CTSD: variants seen among roughly 807,000 people sequenced by gnomAD.
The protein encoded by CTSD is cathepsin D.
In CTSD, 28 loss-of-function variants were observed where a neutral mutation model predicts 43.6. The ratio of observed to expected loss-of-function variants is 0.64; its 90% CI spans 0.48 to 0.88. The LOEUF (loss-of-function observed/expected upper bound fraction) is 0.88, where lower values mean the gene tolerates loss of function less well. CTSD is among the 40% of genes least tolerant of loss of function. The pLI is 0.00. For missense variants in CTSD, 485 were observed against 555.2 expected (o/e 0.87, Z 1.27); for synonymous variants, 270 against 249.8 (o/e 1.08, Z -0.76).
At position 1,761,422 on chromosome 11, in the gene CTSD, C is replaced by T. The variant is rs762631372; in HGVS notation, c.115G>A (p.Val39Ile). 2 of 1,613,806 alleles carry T rather than the reference C, an allele frequency of 1.2e-6. No homozygotes were observed. Among genetic ancestry groups the T allele is most frequent in the Non-Finnish European group, 8.5e-7 (1 of 1,180,028 alleles). ...FTSIRRTMSE[V>I]GGSVEDLIAK... ...ATCAGGTCCTCCACAGAGCCCCCAA[C>T]CTCCGACATGGTCCGGCGGATGGAC... Residue 39 changes from valine (V) to isoleucine (I), a missense_variant, in exon 2 of 9, where the codon GTT becomes ATT. Physicochemically the swap from Val to Ile is conservative, Grantham distance 29. Coordinates refer to ENST00000236671, the MANE Select transcript of CTSD (RefSeq NM_001909.5).
intron 4 of CTSD, chr11:1,758,098 C>T: frequency 4.7e-6 from 1 of 210,718 alleles, no homozygotes; most frequent in Non-Finnish European, 9.8e-6. Flanking sequence ...GCGGAGGGGG[C>T]AGAAGAGGGC....
chr11:1,759,556 C>A lies in CTSD; in HGVS notation c.312G>T (p.Trp104Cys). The A allele has an allele frequency of 6.2e-7, 1 of 1,613,592 alleles. No individual in the cohort carries two copies. Among genetic ancestry groups the A allele is most frequent in the East Asian group, 2.2e-5 (1 of 44,888 alleles). The change falls in exon 3 of 9, where the codon TGG becomes TGT. Residue 104 changes from tryptophan (W) to cysteine (C), a missense_variant. By Grantham distance (215) the Trp-to-Cys change is radical (BLOSUM62 -2). Coordinates refer to ENST00000236671, the MANE Select transcript of CTSD (RefSeq NM_001909.5). ...VVFDTGSSNL[W>C]VPSIHCKLLD... is the part of the protein sequence containing the mutation. ...GCAGTTTGCAGTGGATGGAGGGGAC[C>A]CACAGGTTGGAGGAGCCCGTGTCGA...
rs1201594768 is a variant in CTSD, at chr11:1,753,388, C to G, written c.*115G>C. The stretch of plus-strand genomic sequence containing the variant: ...CTTGGGCCGCCGGCTTCCAGGGCGC[C>G]CAGGACAGTGGGCGGGCGAGTGTGT... On this transcript the variant is annotated 3_prime_UTR_variant, in exon 9 of 9. Coordinates refer to ENST00000236671, the MANE Select transcript of CTSD (RefSeq NM_001909.5). 4 of 1,346,740 alleles carry G rather than the reference C, an allele frequency of 3.0e-6. No homozygotes were observed. The highest frequency in any genetic ancestry group is 4.2e-6 in the Non-Finnish European group (4 of 943,742). 83.4% of individuals were successfully genotyped at this position (1,346,740 alleles called of 1,614,324 possible). A position where few individuals can be genotyped will look rare whatever the true frequency, so the allele number is the denominator to read the frequency against.
At chr11:1,761,036 G>T (rs1347832505) in intron 2 of CTSD, 8 of 495,486 alleles carry the variant, frequency 1.6e-5, no homozygotes, top group South Asian at 1.4e-4. Context: ...CCCAAGGACC[G>T]CCCCCTCAGG....
chr11:1,759,685 C>G (rs1175514443), intron 2 of CTSD, 46 bp from the exon 3 acceptor site: 34 of 1,588,660 alleles, frequency 2.1e-5, no homozygotes, highest in Non-Finnish European at 2.9e-5. Context: ...GGGGCCCCAT[C>G]TCCCCACTGG....
At chr11:1,755,649 T>C (rs1466004305) in intron 5 of CTSD, among the ~76,000 whole-genome samples, 2 of 152,162 alleles carry the variant, frequency 1.3e-5, no homozygotes, top group African/African-American at 4.8e-5. Flanking sequence ...CAAGTACAGC[T>C]TTCAACGCAG....
rs761766384 is a variant in CTSD, at chr11:1,753,998, C to G, written c.968G>C (p.Gly323Ala). 1 of 1,606,584 alleles carries G rather than the reference C, an allele frequency of 6.2e-7. No individual in the cohort carries two copies. The highest frequency in any genetic ancestry group is 1.3e-5 in the African/African-American group (1 of 74,922). Residue 323 changes from glycine to alanine, a missense_variant, in exon 7 of 9, where the codon GGC (glycine) becomes GCC (alanine). Transcript: ENST00000236671. The stretch of plus-strand genomic sequence containing the variant: ...GCCCCAGCCCCCGGCGCTCACCTCG[C>G]CCTGAATCAGCGGCACGGCCCCGAT... ...KAIGAVPLIQ[G>A]EYMIPCEKVS...
In CTSD at chr11:1,761,386, G is replaced by A; in HGVS notation, c.151C>T (p.Pro51Ser). 1 of 1,613,786 alleles carries A rather than the reference G, an allele frequency of 6.2e-7. No individual in the cohort carries two copies. Among genetic ancestry groups the A allele is most frequent in the South Asian group, 1.1e-5 (1 of 91,082 alleles). ...ACCGCCTGGGAGTACTTTGAGACGGGGCCTTTGGCAATCAGGTCCTCCACA... is the reference window on the plus strand; with the variant it reads ...ACCGCCTGGGAGTACTTTGAGACGGAGCCTTTGGCAATCAGGTCCTCCACA... ...GSVEDLIAKG[P>S]VSKYSQAVPA... is the part of the protein sequence containing the mutation. Residue 51 changes from proline (P) to serine (S), a missense_variant, in exon 2 of 9, where the codon CCC (proline) becomes TCC (serine). By Grantham distance (74) the Pro-to-Ser change is moderately conservative. Transcript: ENST00000236671.
rs1466330260 is a variant in CTSD at position 1,757,344 on chromosome 11, G to A, written c.684C>T (p.Ile228=). The A allele has an allele frequency of 1.2e-6, 2 of 1,613,986 alleles. No homozygotes were observed. Among genetic ancestry groups the A allele is most frequent in the Non-Finnish European group, 1.7e-6 (2 of 1,179,986 alleles). The change falls in exon 5 of 9, where the codon ATC becomes ATT. Residue 228 remains isoleucine, a synonymous_variant. Coordinates refer to ENST00000236671, the MANE Select transcript of CTSD (RefSeq NM_001909.5). ...CCCACCTGCTCAGGTAGAAGGAGAA[G>A]ATGTTCTGGTCCACCAGCTTCTGCT... The part of the protein sequence containing the change: ...LMQQKLVDQN[I]FSFYLSRDPD...
chr11:1,754,541 A>AG (rs1489108837), intron 6 of CTSD, among the ~76,000 whole-genome samples: 16 of 35,232 alleles, frequency 4.5e-4, no homozygotes, highest in South Asian at 1.0e-3. Flanking sequence ...GGAGGGATGG[A>AG]GGGATGGAGG....
rs11555041 is a variant in CTSD at position 1,753,309 on chromosome 11, C to T, written c.*194G>A. 14 of 656,300 alleles carry T rather than the reference C, an allele frequency of 2.1e-5. No homozygotes were observed. The highest frequency in any genetic ancestry group is 2.7e-6 in the Non-Finnish European group (1 of 366,596). The allele number at this position is 656,300 out of a possible 1,614,324, so 40.7% of individuals were successfully genotyped here. On this transcript the variant is annotated 3_prime_UTR_variant, in exon 9 of 9. Coordinates refer to ENST00000236671, the MANE Select transcript of CTSD (RefSeq NM_001909.5). ...ACAGATGGAGAGACAGACAGGCAGG[C>T]AGCATTTCTGAACCCAGGGAGGGGA... is the stretch of plus-strand genomic sequence containing the variant.
chr11:1,756,994 C>T (rs1473749658), intron 5 of CTSD, among the ~76,000 whole-genome samples: 2 of 152,182 alleles, frequency 1.3e-5, no homozygotes, highest in Non-Finnish European at 1.5e-5. Flanking sequence ...ACCGACGGGC[C>T]GACTGAACCA....
At chr11:1,755,049 T>C (rs2292964) in intron 5 of CTSD, 21 bp from the exon 6 acceptor site, 107 of 1,612,664 alleles carry the variant, frequency 6.6e-5, no homozygotes, top group Admixed American at 1.0e-4. Context: ...AAGGGAGGAG[T>C]CAGCTGCCAC....
intron 7 of CTSD, 29 bp from the exon 8 acceptor site, chr11:1,753,930 G>A (rs1845761391): frequency 6.2e-7 from 1 of 1,612,266 alleles, no homozygotes; most frequent in Non-Finnish European, 8.5e-7. Context: ...GTGTCAGGGT[G>A]GTAGTGGTGG....
chr11:1,759,197 T>A (rs1845845233), intron 3 of CTSD, 110 bp from the exon 4 acceptor site: 1 of 977,442 alleles, frequency 1.0e-6, no homozygotes, highest in African/African-American at 1.6e-5. Context: ...CCAAGCTGCC[T>A]CCCCAGGGTG....
intron 3 of CTSD, 59 bp downstream of exon 3, chr11:1,759,457 C>T (rs1845848102): frequency 5.6e-6 from 9 of 1,608,574 alleles, no homozygotes; most frequent in Admixed American, 1.7e-5. Context: ...TGAGGCAGCC[C>T]TGCAGCGACA....
intron 6 of CTSD, among the ~76,000 whole-genome samples, chr11:1,754,512 A>ATGGAGGGGATGTGGGGATGGAGGGG (rs1845778060): frequency 1.7e-5 from 1 of 59,576 alleles, no homozygotes; most frequent in South Asian, 8.4e-4. Context: ...GGATGGAGGG[A>ATGGAGGGGATGTGGGGATGGAGGGG]TGGAGGGATG....
chr11:1,759,765 G>C (rs1354676465), intron 2 of CTSD, 126 bp from the exon 3 acceptor site: 1 of 1,018,810 alleles, frequency 9.8e-7, no homozygotes, highest in South Asian at 1.7e-5. Context: ...GGGGCCCACA[G>C]CTGCCAACAG....
At position 1,753,396 on chromosome 11, in the gene CTSD, G is replaced by A; in HGVS notation, c.*107C>T. 3.6e-6 allele frequency: 5 copies of A among 1,389,616 alleles called. No homozygotes were observed. The highest frequency in any genetic ancestry group is 2.3e-5 in the South Asian group (2 of 86,072). The allele number at this position is 1,389,616 out of a possible 1,614,324, so 86.1% of individuals were successfully genotyped here. A position where few individuals can be genotyped will look rare whatever the true frequency, so the allele number is the denominator to read the frequency against. The stretch of plus-strand genomic sequence containing the variant: ...GCCGGCTTCCAGGGCGCCCAGGACA[G>A]TGGGCGGGCGAGTGTGTGGGTGTGT... On this transcript the variant is annotated 3_prime_UTR_variant, in exon 9 of 9. Transcript: ENST00000236671.
Sources: allele counts gnomAD v4.1 joint callset (sites outside exome capture counted in the v4.1 genomes callset), GRCh38; gene constraint gnomAD v4.1.1; transcripts MANE v1.5; gene names NCBI Gene and HGNC (gene_info 2026-07-23, HGNC 2026-07-21).